Variants in FUZ observed in about 807,000 individuals in gnomAD.
FUZ encodes the protein protein fuzzy homolog.
A neutral mutation model predicts 43.1 loss-of-function variants in FUZ; 31 were observed. The ratio of observed to expected loss-of-function variants is 0.72; its 90% CI spans 0.54 to 0.97. The LOEUF is 0.97. Among genes scored for constraint, FUZ ranks in the 50% least tolerant of loss-of-function variants. The probability of loss-of-function intolerance (pLI) is 0.00; values close to 1 mark genes in which losing one functional copy is unlikely to be tolerated. For missense variants in FUZ, 539 were observed against 543.8 expected (o/e 0.99, Z 0.09); for synonymous variants, 274 against 250.0 (o/e 1.10, Z -0.91).
At position 49,813,188 on chromosome 19, in the gene FUZ, T is replaced by C; in HGVS notation, c.-82A>G. 1 of 1,294,416 alleles carries C rather than the reference T, an allele frequency of 7.7e-7. No homozygotes were observed. Among genetic ancestry groups the C allele is most frequent in the Non-Finnish European group, 1.1e-6 (1 of 914,158 alleles). 80.2% of individuals were successfully genotyped at this position (1,294,416 alleles called of 1,614,324 possible). On this transcript the variant is annotated 5_prime_UTR_variant, in exon 1 of 11. Transcript: ENST00000313777. ...TGGCGGTAATCAGAGTAACTCGGCC[T>C]GTGGTCCGGAGCCGCCAGAGGGCGA...
rs779762408 is a variant in FUZ at position 49,807,242 on chromosome 19, C to A, written c.1166G>T (p.Arg389Leu). The A allele has an allele frequency of 1.2e-6, 2 of 1,612,938 alleles. No individual in the cohort carries two copies. The highest frequency in any genetic ancestry group is 1.7e-5 in the Admixed American group (1 of 59,934). ...CTGGGGAGACAGCAGCAGCAGCAGC[C>A]GCCGAAGCCCCAGCTGCAAGGCCAC... ...RLVALQLGLR[R>L]LLLLLSPQSP... Residue 389 changes from arginine (R) to leucine (L), a missense_variant, in exon 11 of 11, where the codon CGG becomes CTG. By Grantham distance (102) the Arg-to-Leu change is moderately radical. Transcript: ENST00000313777.
intron 5 of FUZ, among the ~76,000 whole-genome samples, chr19:49,810,678 CAAAAAA>C (rs34752826): frequency 1.8e-4 from 16 of 90,520 alleles, no homozygotes; most frequent in South Asian, 1.7e-3. Context: ...GACTCTGTCT[CAAAAAA>C]AAAAAAAAAA....
chr19:49,807,997 C>T, intron 10 of FUZ: 1 of 348,916 alleles, frequency 2.9e-6, no homozygotes, highest in South Asian at 2.3e-5. Flanking sequence ...GAGCGCTGGA[C>T]TGTGTGGATA....
In FUZ at chr19:49,808,485, G is replaced by A. The variant is rs1568598706; in HGVS notation, c.962C>T (p.Pro321Leu). The change falls in exon 10 of 11, where the codon CCT (proline) becomes CTT (leucine). Residue 321 changes from proline to leucine, a missense_variant. Pro to Leu is a moderately conservative substitution (Grantham distance 98). Coordinates refer to ENST00000313777, the MANE Select transcript of FUZ (RefSeq NM_025129.5). The part of the protein sequence containing the change: ...FTVEPLGDKE[P>L]SPEQRRRLLR... ...GAGGCGCCGGCGCTGTTCTGGTGAA[G>A]GCTCTGCTGGGAGGAAAAGGCGGTG... The A allele has an allele frequency of 6.2e-7, 1 of 1,611,444 alleles. No individual in the cohort carries two copies. The highest frequency in any genetic ancestry group is 2.2e-5 in the East Asian group (1 of 44,810).
Position 49,808,790 on chromosome 19 carries a change from G to A in FUZ, c.820C>T (p.Pro274Ser), listed in dbSNP as rs1600270662. The A allele has an allele frequency of 6.4e-7, 1 of 1,558,194 alleles. No individual in the cohort carries two copies. Among genetic ancestry groups the A allele is most frequent in the Non-Finnish European group, 8.7e-7 (1 of 1,151,364 alleles). The change falls in exon 8 of 11, where the codon CCG becomes TCG. Residue 274 changes from proline (P) to serine (S), a missense_variant. Coordinates refer to ENST00000313777, the MANE Select transcript of FUZ (RefSeq NM_025129.5). ...LERWWQPLLD[P>S]LRACLPLGPR... is the part of the protein sequence containing the mutation. ...CCCAACGGCAGACAGGCCCGCAACG[G>A]GTCCAGCAGTGGCTGCCACCAGCGC... is the stretch of plus-strand genomic sequence containing the variant.
intron 2 of FUZ, 70 bp downstream of exon 2, chr19:49,812,545 C>T: frequency 2.5e-6 from 4 of 1,603,786 alleles, no homozygotes; most frequent in Non-Finnish European, 3.4e-6. Context: ...AGCTGGAAGG[C>T]CTCCGGGGTC....
In FUZ at chr19:49,809,581, T is replaced by C; in HGVS notation, c.493-6A>G. ...GCGAACCCGGAGAGGGCTTCCTGGGTACGGGAGGCAGGAGGACTGGGAGTC... is the reference window on the plus strand; with the variant it reads ...GCGAACCCGGAGAGGGCTTCCTGGGCACGGGAGGCAGGAGGACTGGGAGTC... On this transcript the variant is annotated splice_polypyrimidine_tract_variant and splice_region_variant and intron_variant, in intron 5 of 10. Coordinates refer to ENST00000313777, the MANE Select transcript of FUZ (RefSeq NM_025129.5). This position sits in a 1 kb window ranked among gnomAD's most constrained non-coding sequence, Gnocchi z 5.1. 6.3e-7 allele frequency: 1 copy of C among 1,588,784 alleles called. No individual in the cohort carries two copies. The highest frequency in any genetic ancestry group is 8.5e-7 in the Non-Finnish European group (1 of 1,173,142).
Position 49,813,242 on chromosome 19 carries a change from C to T in FUZ, c.-136G>A, listed in dbSNP as rs765480197. ...GGGGAGCTGATTGGAAGAGGATTAA[C>T]TTCCCGCCTTCTTCACCCAACTCAA... is the stretch of plus-strand genomic sequence containing the variant. On this transcript the variant is annotated 5_prime_UTR_variant, in exon 1 of 11. Transcript: ENST00000313777. 1.2e-6 allele frequency: 1 copy of T among 805,570 alleles called. No homozygotes were observed. The highest frequency in any genetic ancestry group is 2.1e-6 in the Non-Finnish European group (1 of 473,480). The allele number at this position is 805,570 out of a possible 1,614,324, so 49.9% of individuals were successfully genotyped here. A position where few individuals can be genotyped will look rare whatever the true frequency, so the allele number is the denominator to read the frequency against.
At position 49,807,243 on chromosome 19, in the gene FUZ, G is replaced by A. The variant is rs1443351126; in HGVS notation, c.1165C>T (p.Arg389Trp). Residue 389 changes from arginine to tryptophan, a missense_variant, in exon 11 of 11, where the codon CGG becomes TGG. Physicochemically the swap from Arg to Trp is moderately radical, Grantham distance 101 (BLOSUM62 -3). Transcript: ENST00000313777. ...RLVALQLGLRRLLLLLSPQSP... is the reference protein window; with the variant it reads ...RLVALQLGLRWLLLLLSPQSP... ...TGGGGAGACAGCAGCAGCAGCAGCC[G>A]CCGAAGCCCCAGCTGCAAGGCCACC... The A allele has an allele frequency of 7.4e-6, 12 of 1,613,044 alleles. No homozygotes were observed. The highest frequency in any genetic ancestry group is 2.2e-5 in the South Asian group (2 of 91,032).
intron 10 of FUZ, 155 bp downstream of exon 10, chr19:49,808,259 A>T: frequency 1.3e-6 from 1 of 785,462 alleles, no homozygotes; most frequent in Non-Finnish European, 2.1e-6. Context: ...TCCCATCTGC[A>T]TCAATGCTCA....
Position 49,813,277 on chromosome 19 carries a change from C to G in FUZ, c.-171G>C, listed in dbSNP as rs1350526157. The G allele has an allele frequency of 4.2e-6, 3 of 718,472 alleles. No individual in the cohort carries two copies. Among genetic ancestry groups the G allele is most frequent in the South Asian group, 3.0e-5 (2 of 67,018 alleles). 44.5% of individuals were successfully genotyped at this position (718,472 alleles called of 1,614,324 possible). On this transcript the variant is annotated 5_prime_UTR_variant, in exon 1 of 11. Coordinates refer to ENST00000313777, the MANE Select transcript of FUZ (RefSeq NM_025129.5). ...TCTTCACCCAACTCAAACAGACCCT[C>G]AAACCCTATTCAGGCACCTCCCCCA...
In FUZ at chr19:49,808,561, TGTCCTCA is replaced by T; in HGVS notation, c.958+6_958+12del. 1 of 1,595,612 alleles carries T rather than the reference TGTCCTCA, an allele frequency of 6.3e-7. No homozygotes were observed. Among genetic ancestry groups the T allele is most frequent in the Non-Finnish European group, 8.5e-7 (1 of 1,170,266 alleles). On this transcript the variant is annotated splice_donor_region_variant and intron_variant, in intron 9 of 10. Transcript: ENST00000313777. ...CCCCTCCTACCCCTGCCCCTGCCCC[TGTCCTCA>T]GTCACCTTTATCCCCCAAGGGCTCC... is the stretch of plus-strand genomic sequence containing the variant.
chr19:49,810,396 C>T lies in FUZ; in HGVS notation c.493-821G>A, dbSNP rs572411516. On this transcript the variant is annotated intron_variant, in intron 5 of 10. Coordinates refer to ENST00000313777, the MANE Select transcript of FUZ (RefSeq NM_025129.5). Reference sequence around the variant, plus strand: ...AAAAAAAAAATAGCTGAATGTCAGCCGGGCGCGGTGGCTCATGCCTGTAAT... The same window carrying T: ...AAAAAAAAAATAGCTGAATGTCAGCTGGGCGCGGTGGCTCATGCCTGTAAT... 2.1e-3 allele frequency among the ~76,000 whole-genome samples: 312 copies of T among 152,034 alleles called. 1 individual carries two copies. Among genetic ancestry groups the T allele is most frequent in the African/African-American group, 6.8e-3 (283 of 41,486 alleles).
In FUZ at chr19:49,811,413, G is replaced by C; in HGVS notation, c.442C>G (p.Leu148Val). ...ATCACGCAGTCCACACACTGGGTCAGGTCCCCGATGAGCTCCGAGTCCCCC... is the reference window on the plus strand; with the variant it reads ...ATCACGCAGTCCACACACTGGGTCACGTCCCCGATGAGCTCCGAGTCCCCC... ...FLGDSELIGDLTQCVDCVIPP... is the reference protein window; with the variant it reads ...FLGDSELIGDVTQCVDCVIPP... The change falls in exon 5 of 11, where the codon CTG becomes GTG. Residue 148 changes from leucine (L) to valine (V), a missense_variant. Transcript: ENST00000313777. 1 of 1,613,722 alleles carries C rather than the reference G, an allele frequency of 6.2e-7. No homozygotes were observed. Among genetic ancestry groups the C allele is most frequent in the Non-Finnish European group, 8.5e-7 (1 of 1,179,834 alleles).
intron 3 of FUZ, among the ~76,000 whole-genome samples, 195 bp downstream of exon 3, chr19:49,812,056 C>T (rs529222108): frequency 6.6e-5 from 10 of 152,254 alleles, no homozygotes; most frequent in Non-Finnish European, 1.2e-4. Flanking sequence ...TGCAGTGAGC[C>T]GAGATCAAGC....
intron 10 of FUZ, among the ~76,000 whole-genome samples, chr19:49,807,659 C>T (rs1015464379): frequency 3.9e-5 from 6 of 152,176 alleles, no homozygotes; most frequent in Admixed American, 2.0e-4. Flanking sequence ...ATGGCGAACA[C>T]GGCAGCAACA....
chr19:49,813,521 C>T, upstream of FUZ: 1 of 333,806 alleles, frequency 3.0e-6, no homozygotes, highest in South Asian at 2.5e-5. Context: ...GTGCCCGGAT[C>T]AAAGATTGCG....
Position 49,806,943 on chromosome 19 carries a change from G to A in FUZ, c.*208C>T. 1 of 1,534,002 alleles carries A rather than the reference G, an allele frequency of 6.5e-7. No individual in the cohort carries two copies. The highest frequency in any genetic ancestry group is 2.4e-5 in the East Asian group (1 of 40,876). ...CATCTGCTGCTGTTTACATTCTGGG[G>A]GGTTAGGGGGAGTCCCCCTCCCTCC... On this transcript the variant is annotated 3_prime_UTR_variant, in exon 11 of 11. Transcript: ENST00000313777.
Position 49,809,696 on chromosome 19 carries a change from C to T in FUZ, c.493-121G>A. ...GCCAGCCCCGAGCTCGCGCAGTGGC[C>T]ATGCTCCTACGTCTCACCCTCTCTG... On this transcript the variant is annotated intron_variant, in intron 5 of 10. Coordinates refer to ENST00000313777, the MANE Select transcript of FUZ (RefSeq NM_025129.5). This position sits in a 1 kb window ranked among gnomAD's most constrained non-coding sequence, Gnocchi z 5.1. The T allele has an allele frequency of 1.0e-6, 1 of 961,402 alleles. No homozygotes were observed. The highest frequency in any genetic ancestry group is 1.6e-6 in the Non-Finnish European group (1 of 628,268). The allele number at this position is 961,402 out of a possible 1,614,324, so 59.6% of individuals were successfully genotyped here. A position where few individuals can be genotyped will look rare whatever the true frequency, so the allele number is the denominator to read the frequency against.
Sources: allele counts gnomAD v4.1 joint callset (sites outside exome capture counted in the v4.1 genomes callset), GRCh38; gene constraint gnomAD v4.1.1; non-coding constraint Gnocchi (gnomAD v3.1); transcripts MANE v1.5; gene names NCBI Gene and HGNC (gene_info 2026-07-23, HGNC 2026-07-21).